TM4SF20: variants seen among roughly 807,000 people sequenced by gnomAD.
TM4SF20 encodes the protein transmembrane 4 L six family member 20, also known as transmembrane 4 L6 family member 20.
Under a neutral mutation model 15.1 loss-of-function variants are expected in TM4SF20, and 13 were observed. That is an observed-to-expected ratio of 0.86 (90% CI 0.56 to 1.36). The LOEUF (loss-of-function observed/expected upper bound fraction) is 1.36, where lower values mean the gene tolerates loss of function less well. Among genes scored for constraint, TM4SF20 ranks in the 40% most tolerant of loss-of-function variants. The probability of loss-of-function intolerance (pLI) is 0.00; values close to 1 mark genes in which losing one functional copy is unlikely to be tolerated. For missense variants in TM4SF20, 282 were observed against 268.4 expected (o/e 1.05, Z -0.35); for synonymous variants, 92 against 96.6 (o/e 0.95, Z 0.28).
chr2:227,372,588 C>G (rs1265216711), intron 1 of TM4SF20, among the ~76,000 whole-genome samples: 1 of 152,160 alleles, frequency 6.6e-6, no homozygotes, highest in Non-Finnish European at 1.5e-5. Flanking sequence ...TTGCAGTTAG[C>G]TGAGATCATG....
chr2:227,367,581 A>C (rs2106489642), intron 2 of TM4SF20, among the ~76,000 whole-genome samples: 1 of 152,294 alleles, frequency 6.6e-6, no homozygotes, highest in Admixed American at 6.5e-5. Flanking sequence ...TTATTTCAAA[A>C]TCAGCAGAAA....
chr2:227,372,122 G>A (rs1450056636), intron 1 of TM4SF20, among the ~76,000 whole-genome samples: 2 of 152,128 alleles, frequency 1.3e-5, no homozygotes, highest in Non-Finnish European at 2.9e-5. Context: ...GCCCTTGAGT[G>A]GTTTTTCTCT....
chr2:227,369,377 C>A (rs2076409211), intron 2 of TM4SF20, among the ~76,000 whole-genome samples: 1 of 150,054 alleles, frequency 6.7e-6, no homozygotes. Context: ...GCCACCCAGG[C>A]ACTGGTATTT....
At chr2:227,379,405 G>A (rs1347806681), upstream of TM4SF20, 2 of 647,362 alleles carry the variant, frequency 3.1e-6, no homozygotes, top group Non-Finnish European at 2.5e-6. Context: ...GTCCAATAGG[G>A]TAGGACATTA....
chr2:227,378,885 C>A (rs1470963313), intron 1 of TM4SF20, among the ~76,000 whole-genome samples: 2 of 152,144 alleles, frequency 1.3e-5, no homozygotes, highest in African/African-American at 4.8e-5. Flanking sequence ...TTTTGCCCAG[C>A]TCTCTATCCT....
rs2076467548 is a variant in TM4SF20 at position 227,379,215 on chromosome 2, T to C, written c.54A>G (p.Leu18=). The change falls in exon 1 of 4, where the codon CTA becomes CTG. Residue 18 remains leucine, a synonymous_variant. Transcript: ENST00000304568. ...CATTGAGAACTACTCCTAACAGCAG[T>C]AGAACCAGCAGGCTGAATCCATTGC... ...TSCNGFSLLV[L]LLLGVVLNAI... 6.2e-7 allele frequency: 1 copy of C among 1,614,110 alleles called. No homozygotes were observed. The highest frequency in any genetic ancestry group is 8.5e-7 in the Non-Finnish European group (1 of 1,180,060).
intron 1 of TM4SF20, among the ~76,000 whole-genome samples, chr2:227,377,806 A>C (rs1237628409): frequency 6.6e-6 from 1 of 151,930 alleles, no homozygotes. Context: ...AACAACACAC[A>C]CTGGTGCCTG....
At position 227,379,261 on chromosome 2, in the gene TM4SF20, C is replaced by T. The variant is rs1413189929; in HGVS notation, c.8G>A (p.Cys3Tyr). 1 of 1,613,818 alleles carries T rather than the reference C, an allele frequency of 6.2e-7. No individual in the cohort carries two copies. Among genetic ancestry groups the T allele is most frequent in the Admixed American group, 1.7e-5 (1 of 60,010 alleles). Residue 3 changes from cysteine to tyrosine, a missense_variant, in exon 1 of 4, where the codon TGC becomes TAC. Coordinates refer to ENST00000304568, the MANE Select transcript of TM4SF20 (RefSeq NM_024795.4). Reference sequence around the variant, plus strand: ...ATTGCAGGATGTCCATCCTTCGCAGCAGGTCATGGTCACCCCTGGCTCAGA... The same window carrying T: ...ATTGCAGGATGTCCATCCTTCGCAGTAGGTCATGGTCACCCCTGGCTCAGA... Reference protein sequence around the residue: MTCCEGWTSCNGF... With the variant: MTYCEGWTSCNGF...
chr2:227,368,335 T>TATATA lies in TM4SF20; in HGVS notation c.250-2092_250-2091insTATAT, dbSNP rs1553786651. ...ACCACGCCTGGCCGCCATCTATTAT[T>TATATA]TATATATATATATATATATAATTTT... is the stretch of plus-strand genomic sequence containing the variant. On this transcript the variant is annotated intron_variant, in intron 2 of 3. Coordinates refer to ENST00000304568, the MANE Select transcript of TM4SF20 (RefSeq NM_024795.4). Among the ~76,000 whole-genome samples the TATATA allele has an allele frequency of 1.8e-4, 22 of 122,724 alleles. 1 individual carries two copies. Among genetic ancestry groups the TATATA allele is most frequent in the African/African-American group, 4.4e-4 (14 of 32,114 alleles). 80.5% of individuals were successfully genotyped at this position (122,724 alleles called of 152,430 possible).
chr2:227,381,326 G>A (rs951764401), upstream of TM4SF20, among the ~76,000 whole-genome samples: 4 of 151,622 alleles, frequency 2.6e-5, no homozygotes, highest in Non-Finnish European at 4.4e-5. Context: ...ACAAAACACC[G>A]AGAATAACTG....
chr2:227,380,064 C>T (rs180743085), upstream of TM4SF20, among the ~76,000 whole-genome samples: 8 of 152,360 alleles, frequency 5.3e-5, no homozygotes, highest in Non-Finnish European at 8.8e-5. Flanking sequence ...TGCGGTGGCT[C>T]ACGCCTGTAA....
chr2:227,375,348 A>C (rs994983866), intron 1 of TM4SF20, among the ~76,000 whole-genome samples: 1 of 152,164 alleles, frequency 6.6e-6, no homozygotes, highest in Non-Finnish European at 1.5e-5. Context: ...AGTTGTGCTC[A>C]CAGCACTGCA....
At chr2:227,373,286 T>A (rs1209075581) in intron 1 of TM4SF20, among the ~76,000 whole-genome samples, 3 of 150,896 alleles carry the variant, frequency 2.0e-5, no homozygotes, top group Admixed American at 2.0e-4. Context: ...CTTTGTATTA[T>A]TATCAAGCTT....
chr2:227,364,091 T>C, intron 3 of TM4SF20, 79 bp from the exon 4 acceptor site: 1 of 1,357,970 alleles, frequency 7.4e-7, no homozygotes, highest in Non-Finnish European at 9.9e-7. Flanking sequence ...CATAAAAGAA[T>C]GAGTGAAACG....
At chr2:227,380,170 A>G (rs1203205593), upstream of TM4SF20, among the ~76,000 whole-genome samples, 1 of 152,200 alleles carries the variant, frequency 6.6e-6, no homozygotes, top group Non-Finnish European at 1.5e-5. Context: ...TCTGTACCAA[A>G]AAAACAAAAA....
At position 227,370,997 on chromosome 2, in the gene TM4SF20, C is replaced by G; in HGVS notation, c.184-17G>C. On this transcript the variant is annotated splice_polypyrimidine_tract_variant and intron_variant, in intron 1 of 3. Coordinates refer to ENST00000304568, the MANE Select transcript of TM4SF20 (RefSeq NM_024795.4). Reference sequence around the variant, plus strand: ...TGGAATGGCCTGGAAATGACATCAACAGGAAAGATGAGTATTATAACTTCT... The same window carrying G: ...TGGAATGGCCTGGAAATGACATCAAGAGGAAAGATGAGTATTATAACTTCT... 1 of 1,608,682 alleles carries G rather than the reference C, an allele frequency of 6.2e-7. No homozygotes were observed. Among genetic ancestry groups the G allele is most frequent in the African/African-American group, 1.3e-5 (1 of 74,906 alleles).
chr2:227,381,330 A>G (rs548628369), upstream of TM4SF20, among the ~76,000 whole-genome samples: 2 of 152,246 alleles, frequency 1.3e-5, no homozygotes, highest in African/African-American at 4.8e-5. Context: ...AACACCGAGA[A>G]TAACTGAAAG....
chr2:227,363,924 C>T lies in TM4SF20; in HGVS notation c.490G>A (p.Asp164Asn), dbSNP rs1442557454. ...PTGFNKPTSN[D>N]TMASGWRASS... ...GCTCTCCAGCCACTCGCCATGGTGT[C>T]GTTACTGGTGGGTTTATTGAAACCA... The change falls in exon 4 of 4, where the codon GAC (aspartate) becomes AAC (asparagine). Residue 164 changes from aspartate to asparagine, a missense_variant. Transcript: ENST00000304568. The T allele has an allele frequency of 1.9e-6, 3 of 1,614,084 alleles. No homozygotes were observed. The highest frequency in any genetic ancestry group is 1.1e-5 in the South Asian group (1 of 91,076).
At chr2:227,377,612 T>C (rs1286352301) in intron 1 of TM4SF20, among the ~76,000 whole-genome samples, 1 of 152,218 alleles carries the variant, frequency 6.6e-6, no homozygotes, top group African/African-American at 2.4e-5. Flanking sequence ...AACTATGTCC[T>C]GAATTTCTTT....
Sources: gnomAD v4.1 joint callset for allele counts (sites outside exome capture counted in the v4.1 genomes callset) on GRCh38, gnomAD v4.1.1 for gene constraint, MANE v1.5 for transcripts, NCBI Gene and HGNC (gene_info 2026-07-23, HGNC 2026-07-21) for gene names.